Variants in LDB2 observed in about 807,000 individuals in gnomAD.
LDB2 encodes the protein LIM domain-binding protein 2.
A neutral mutation model predicts 44.3 loss-of-function variants in LDB2; 12 were observed. The ratio of observed to expected loss-of-function variants is 0.27; its 90% CI spans 0.17 to 0.44. The LOEUF is 0.44. Ranked by LOEUF, LDB2 falls within the 20% of genes least tolerant of loss-of-function variation. The pLI, the probability that LDB2 is intolerant of heterozygous loss-of-function variation, is 1.00. For synonymous variants in LDB2, 164 were observed against 174.8 expected (o/e 0.94, Z 0.49); for missense variants, 344 against 473.5 (o/e 0.73, Z 2.54).
chr4:16,619,637 C>A (rs1171679739), intron 2 of LDB2, among the ~76,000 whole-genome samples: 2 of 121,638 alleles, frequency 1.6e-5, no homozygotes, highest in African/African-American at 5.9e-5. Context: ...ACCAGGCCAT[C>A]GTAAGCATGG....
intron 1 of LDB2, among the ~76,000 whole-genome samples, chr4:16,836,757 C>G (rs566525745): frequency 7.9e-4 from 121 of 152,238 alleles, no homozygotes; most frequent in African/African-American, 2.8e-3. Flanking sequence ...ATTATTGAAT[C>G]CTTAAAAAAG....
intron 1 of LDB2, among the ~76,000 whole-genome samples, chr4:16,880,828 C>T (rs373771686): frequency 6.8e-6 from 1 of 148,008 alleles, no homozygotes; most frequent in Non-Finnish European, 1.5e-5. Flanking sequence ...AGTGTGAACC[C>T]GGGAGGCGGA....
At chr4:16,527,789 T>G (rs78840671) in intron 5 of LDB2, among the ~76,000 whole-genome samples, 2,086 of 152,300 alleles carry the variant, frequency 0.014, 41 homozygotes, top group African/African-American at 0.045. Context: ...AGAGGGTAGA[T>G]CTTAAGTCTT....
At chr4:16,684,644 G>T (rs962771133) in intron 2 of LDB2, among the ~76,000 whole-genome samples, 6 of 152,152 alleles carry the variant, frequency 3.9e-5, no homozygotes, top group Non-Finnish European at 8.8e-5. Context: ...ATGAAGAAAA[G>T]TCTAGATCTA....
intron 4 of LDB2, among the ~76,000 whole-genome samples, chr4:16,586,505 C>CAAA (rs367982142): frequency 0.08 from 8,106 of 101,598 alleles, 320 homozygotes; most frequent in Non-Finnish European, 0.11. Context: ...CACACACACA[C>CAAA]ACACACACAC....
chr4:16,880,445 G>A (rs1196922386), intron 1 of LDB2, among the ~76,000 whole-genome samples: 3 of 152,146 alleles, frequency 2.0e-5, no homozygotes, highest in African/African-American at 4.8e-5. Flanking sequence ...GGCTCACTCA[G>A]AAGGAGCACG....
intron 1 of LDB2, among the ~76,000 whole-genome samples, chr4:16,811,537 C>A (rs1289605592): frequency 6.6e-6 from 1 of 152,158 alleles, no homozygotes; most frequent in East Asian, 1.9e-4. Context: ...ATTTACTAGA[C>A]CCGATTTTCT....
intron 1 of LDB2, among the ~76,000 whole-genome samples, chr4:16,809,894 C>T (rs1779500298): frequency 6.6e-6 from 1 of 152,184 alleles, no homozygotes; most frequent in Admixed American, 6.5e-5. Context: ...AATCTACAGG[C>T]TTTAATACAC....
chr4:16,776,792 G>A (rs142693166), intron 1 of LDB2, among the ~76,000 whole-genome samples: 1 of 152,340 alleles, frequency 6.6e-6, no homozygotes, highest in African/African-American at 2.4e-5. Context: ...AGTGGGGAAG[G>A]AGAAGTAAAA....
At chr4:16,520,009 G>A (rs897335692) in intron 5 of LDB2, among the ~76,000 whole-genome samples, 15 of 152,004 alleles carry the variant, frequency 9.9e-5, no homozygotes, top group Non-Finnish European at 1.5e-4. Flanking sequence ...GCCCCAAAGA[G>A]TAGTAATCAG....
intron 1 of LDB2, among the ~76,000 whole-genome samples, chr4:16,828,760 A>C (rs1360396866): frequency 6.6e-6 from 1 of 152,222 alleles, no homozygotes; most frequent in Admixed American, 6.5e-5. Context: ...AAAAAGTGTG[A>C]CTTAAGGAGC....
At chr4:16,539,045 A>T (rs1428779578) in intron 5 of LDB2, among the ~76,000 whole-genome samples, 1 of 152,190 alleles carries the variant, frequency 6.6e-6, no homozygotes, top group Non-Finnish European at 1.5e-5. Context: ...CTTGTAAGCT[A>T]ATCAGGGAGA....
intron 1 of LDB2, among the ~76,000 whole-genome samples, chr4:16,861,658 C>G (rs1712594899): frequency 6.6e-6 from 1 of 152,214 alleles, no homozygotes; most frequent in Non-Finnish European, 1.5e-5. Context: ...TTCAAACTCT[C>G]AAGGCTTGCC....
intron 2 of LDB2, among the ~76,000 whole-genome samples, chr4:16,689,331 G>C (rs917851546): frequency 6.6e-6 from 1 of 152,152 alleles, no homozygotes; most frequent in Non-Finnish European, 1.5e-5. Flanking sequence ...AGGAAACAAA[G>C]CTAAAAAATT....
intron 1 of LDB2, among the ~76,000 whole-genome samples, chr4:16,885,502 C>A (rs1721406411): frequency 6.6e-6 from 1 of 152,114 alleles, no homozygotes; most frequent in African/African-American, 2.4e-5. Context: ...AACAGGATAA[C>A]ATTACATACA....
chr4:16,561,534 G>A (rs1742269786), intron 5 of LDB2, among the ~76,000 whole-genome samples: 1 of 152,116 alleles, frequency 6.6e-6, no homozygotes, highest in Admixed American at 6.5e-5. Context: ...CCTCTTCAAG[G>A]AGAACTACAA....
chr4:16,780,657 C>T (rs1441097622), intron 1 of LDB2, among the ~76,000 whole-genome samples: 1 of 152,090 alleles, frequency 6.6e-6, no homozygotes, highest in East Asian at 1.9e-4. Context: ...CTCTCCAGAT[C>T]CCAATCCAGT....
intron 2 of LDB2, among the ~76,000 whole-genome samples, chr4:16,636,299 G>GA (rs1048487539): frequency 2.0e-5 from 3 of 152,046 alleles, no homozygotes; most frequent in African/African-American, 7.2e-5. Context: ...CAAATGTGTG[G>GA]AAAAAAAGCC....
chr4:16,843,524 A>G (rs1786300893), intron 1 of LDB2, among the ~76,000 whole-genome samples: 1 of 152,240 alleles, frequency 6.6e-6, no homozygotes, highest in Non-Finnish European at 1.5e-5. Flanking sequence ...AAAATATGAG[A>G]TATTTTAAAC....
Sources: gnomAD v4.1 joint callset for allele counts (sites outside exome capture counted in the v4.1 genomes callset) on GRCh38, gnomAD v4.1.1 for gene constraint, MANE v1.5 for transcripts, NCBI Gene and HGNC (gene_info 2026-07-23, HGNC 2026-07-21) for gene names.